The following OR4K1 variants were observed in gnomAD, a reference collection of about 807,000 sequenced individuals.
The protein encoded by OR4K1 is olfactory receptor 4K1.
Under a neutral mutation model 14.4 loss-of-function variants are expected in OR4K1, and 16 were observed. That is an observed-to-expected ratio of 1.11 (90% confidence interval 0.75 to 1.68). The LOEUF (loss-of-function observed/expected upper bound fraction) is 1.68. OR4K1 is among the 40% of genes most tolerant of loss of function. The probability of loss-of-function intolerance (pLI) is 0.00; values close to 1 mark genes in which losing one functional copy is unlikely to be tolerated. For missense variants in OR4K1, 548 were observed against 376.9 expected, an observed-to-expected ratio of 1.45 and a Z score of -3.76; for synonymous variants, 181 against 133.1, an observed-to-expected ratio of 1.36 and a Z score of -2.48.
intron 1 of OR4K1, among the ~76,000 whole-genome samples, chr14:19,933,999 G>C (rs1434583936): frequency 1.3e-5 from 2 of 152,324 alleles, no homozygotes; most frequent in East Asian, 3.9e-4. Flanking sequence ...ATGAAAGCTT[G>C]AAAACAGTTT....
At chr14:19,928,246 T>C (rs76660290), upstream of OR4K1, among the ~76,000 whole-genome samples, 9,866 of 151,382 alleles carry the variant, frequency 0.065, 557 homozygotes, top group East Asian at 0.47. Context: ...GTGGTTCCTG[T>C]CCCAACAATT....
At chr14:19,935,622 A>T in intron 1 of OR4K1, 26 bp from the exon 2 acceptor site, 1 of 1,462,652 alleles carries the variant, frequency 6.8e-7, no homozygotes. Context: ...AATCATTGTG[A>T]CATTTTTCTG....
chr14:19,929,430 C>CAGAGAT (rs1594453296), upstream of OR4K1, among the ~76,000 whole-genome samples: 2 of 133,834 alleles, frequency 1.5e-5, no homozygotes, highest in East Asian at 4.3e-4. Flanking sequence ...GAGAGAGAGA[C>CAGAGAT]AGAGACAGAG....
At chr14:19,920,712 A>G in the OR4K1 span, 1 of 1,614,142 alleles carries the variant, frequency 6.2e-7, no homozygotes, top group East Asian at 2.2e-5. Context: ...TGTGTTGTAT[A>G]CAGTCATTGT....
chr14:19,926,981 C>A (rs1042007731), upstream of OR4K1, among the ~76,000 whole-genome samples: 63 of 152,326 alleles, frequency 4.1e-4, no homozygotes, highest in African/African-American at 1.3e-3. Flanking sequence ...TGACTGCCTA[C>A]ATGAAAAGCA....
At chr14:19,929,705 G>A (rs1382380063), upstream of OR4K1, among the ~76,000 whole-genome samples, 1 of 152,188 alleles carries the variant, frequency 6.6e-6, no homozygotes, top group Non-Finnish European at 1.5e-5. Context: ...CTCATAAAAT[G>A]AGCAGAACCA....
At chr14:19,929,160 C>A (rs1882128065), upstream of OR4K1, among the ~76,000 whole-genome samples, 1 of 151,006 alleles carries the variant, frequency 6.6e-6, no homozygotes, top group Non-Finnish European at 1.5e-5. Context: ...TAACTGTATG[C>A]AGATAGAAAT....
chr14:19,924,400 CAAAAAA>C, the OR4K1 span, among the ~76,000 whole-genome samples: 837 of 79,228 alleles, frequency 0.011, 3 homozygotes, highest in Middle Eastern at 0.026. Context: ...AACTCCGTAT[CAAAAAA>C]AAAAAAAAAA....
At chr14:19,920,882 A>G in the OR4K1 span, 2 of 1,614,192 alleles carry the variant, frequency 1.2e-6, no homozygotes, top group Non-Finnish European at 1.7e-6. Flanking sequence ...ACGAGACCAT[A>G]TCTTTCAGTG....
chr14:19,921,857 GA>G, the OR4K1 span, among the ~76,000 whole-genome samples: 10 of 152,140 alleles, frequency 6.6e-5, no homozygotes, highest in Non-Finnish European at 1.5e-4. Context: ...TAAATATCAA[GA>G]AAAAAATCAA....
chr14:19,926,153 A>T (rs1016234509), upstream of OR4K1, among the ~76,000 whole-genome samples: 7 of 152,270 alleles, frequency 4.6e-5, no homozygotes, highest in African/African-American at 1.4e-4. Flanking sequence ...ATTCAAATAG[A>T]TTTAACCTCA....
upstream of OR4K1, chr14:19,930,906 G>A (rs560473223): frequency 3.9e-5 from 6 of 152,256 alleles, no homozygotes; most frequent in South Asian, 4.1e-4. Context: ...GTAATTGCTC[G>A]GTTGAGTGCA....
chr14:19,936,468 G>T lies in OR4K1; in HGVS notation c.802G>T (p.Asp268Tyr), dbSNP rs1319174257. 6.2e-7 allele frequency: 1 copy of T among 1,613,964 alleles called. No homozygotes were observed. The highest frequency in any genetic ancestry group is 8.5e-7 in the Non-Finnish European group (1 of 1,180,028). Residue 268 changes from aspartate (D) to tyrosine (Y), a missense_variant, in exon 2 of 2, where the codon GAC (aspartate) becomes TAC (tyrosine). By Grantham distance (160) the Asp-to-Tyr change is radical. Transcript: ENST00000641172. ...YIWPFSRLPV[D>Y]KFLSVFYTVC... ...ATGGCCTTTTAGCAGACTTCCTGTG[G>T]ACAAATTTCTTTCTGTGTTCTACAC...
At chr14:19,933,659 C>T (rs948094896) in intron 1 of OR4K1, among the ~76,000 whole-genome samples, 3 of 152,228 alleles carry the variant, frequency 2.0e-5, no homozygotes, top group African/African-American at 7.2e-5. Context: ...GTGGAATGAT[C>T]TTGGCTCACT....
intron 1 of OR4K1, among the ~76,000 whole-genome samples, chr14:19,933,228 A>C (rs1882225405): frequency 8.6e-6 from 1 of 116,236 alleles, no homozygotes; most frequent in African/African-American, 2.5e-5. Context: ...CTCTGTGTAA[A>C]GGATTTTTTT....
chr14:19,930,033 T>C (rs1882151558), upstream of OR4K1, among the ~76,000 whole-genome samples: 1 of 152,236 alleles, frequency 6.6e-6, no homozygotes, highest in African/African-American at 2.4e-5. Context: ...ATTATGTTTT[T>C]AACCATACAT....
At chr14:19,933,547 G>T (rs952023906) in intron 1 of OR4K1, among the ~76,000 whole-genome samples, 1 of 152,140 alleles carries the variant, frequency 6.6e-6, no homozygotes, top group Non-Finnish European at 1.5e-5. Context: ...AGTTAGGTCA[G>T]TTCATGCCTC....
chr14:19,929,936 A>T (rs1882149639), upstream of OR4K1, among the ~76,000 whole-genome samples: 1 of 152,238 alleles, frequency 6.6e-6, no homozygotes. Context: ...TGGATATTTT[A>T]AAACTTTAAT....
At chr14:19,925,845 G>GTCAAGT in the OR4K1 span, among the ~76,000 whole-genome samples, 1 of 152,268 alleles carries the variant, frequency 6.6e-6, no homozygotes, top group Non-Finnish European at 1.5e-5. Context: ...ACTGGCAATA[G>GTCAAGT]TATGAGTCAA....
Sources: allele counts gnomAD v4.1 joint callset (sites outside exome capture counted in the v4.1 genomes callset), GRCh38; gene constraint gnomAD v4.1.1; transcripts MANE v1.5; gene names NCBI Gene and HGNC (gene_info 2026-07-23, HGNC 2026-07-21).